The following EYS variants were observed in gnomAD, a reference collection of about 807,000 sequenced individuals.
The protein encoded by EYS is protein eyes shut homolog.
A neutral mutation model predicts 282.1 loss-of-function variants in EYS; 250 were observed. The observed-to-expected ratio is 0.89, with a 90% CI of 0.80 to 0.98. The LOEUF is 0.98. Among genes scored for constraint, EYS ranks in the 50% least tolerant of loss-of-function variants. EYS has a pLI of 0.00. For synonymous variants in EYS, 1,355 were observed against 1,282.9 expected, an observed-to-expected ratio of 1.06 and a Z score of -1.20; for missense variants, 4,016 against 3,709.0, an observed-to-expected ratio of 1.08 and a Z score of -2.15.
At chr6:65,134,762 A>G (rs1775975708) in intron 12 of EYS, among the ~76,000 whole-genome samples, 2 of 152,070 alleles carry the variant, frequency 1.3e-5, no homozygotes, top group South Asian at 4.1e-4. Context: ...AAAGAGAGGG[A>G]AAGATCAATT....
At chr6:65,454,225 T>G (rs1323382415) in intron 5 of EYS, among the ~76,000 whole-genome samples, 1 of 151,738 alleles carries the variant, frequency 6.6e-6, no homozygotes. Context: ...TAGAGTAAAG[T>G]GGTATTTCAT....
chr6:64,727,346 T>G (rs958774937), intron 22 of EYS, among the ~76,000 whole-genome samples: 2 of 152,220 alleles, frequency 1.3e-5, no homozygotes, highest in Non-Finnish European at 2.9e-5. Flanking sequence ...GGAATTCTGG[T>G]ACTTAAAAAA....
intron 19 of EYS, among the ~76,000 whole-genome samples, chr6:64,836,765 T>C (rs1765394862): frequency 6.6e-6 from 1 of 151,610 alleles, no homozygotes; most frequent in South Asian, 2.1e-4. Flanking sequence ...TTTAGTGAAA[T>C]GCTGTAAATA....
At chr6:64,057,517 C>T (rs1771026763) in intron 33 of EYS, among the ~76,000 whole-genome samples, 1 of 151,730 alleles carries the variant, frequency 6.6e-6, no homozygotes, top group African/African-American at 2.4e-5. Context: ...TATGCATTTC[C>T]AAAACAATAG....
chr6:65,413,479 GA>G (rs1410228541), intron 5 of EYS, among the ~76,000 whole-genome samples: 1 of 152,048 alleles, frequency 6.6e-6, no homozygotes, highest in Non-Finnish European at 1.5e-5. Context: ...GTACTTAAGA[GA>G]GGGGGCACAT....
chr6:63,965,590 A>G (rs1197337735), intron 35 of EYS, among the ~76,000 whole-genome samples: 5 of 152,200 alleles, frequency 3.3e-5, no homozygotes, highest in Admixed American at 3.3e-4. Context: ...ATGAAAATGT[A>G]TAAAAACTTA....
At chr6:64,544,557 C>T (rs2149801100) in intron 26 of EYS, among the ~76,000 whole-genome samples, 1 of 152,094 alleles carries the variant, frequency 6.6e-6, no homozygotes, top group Non-Finnish European at 1.5e-5. Flanking sequence ...TAAGAATACC[C>T]TTCAAAAAAT....
chr6:64,333,087 A>G (rs536307940), intron 29 of EYS, among the ~76,000 whole-genome samples: 23 of 152,286 alleles, frequency 1.5e-4, no homozygotes, highest in Admixed American at 1.2e-3. Flanking sequence ...ATGAGTATAC[A>G]GAGACTCATA....
chr6:63,775,827 A>C (rs1451922103), intron 40 of EYS, among the ~76,000 whole-genome samples: 1 of 152,156 alleles, frequency 6.6e-6, no homozygotes, highest in South Asian at 2.1e-4. Context: ...AATATTTTTG[A>C]ACAGCTTTAT....
chr6:64,760,875 T>G (rs1449966151), intron 22 of EYS, among the ~76,000 whole-genome samples: 6 of 152,160 alleles, frequency 3.9e-5, no homozygotes, highest in Non-Finnish European at 1.5e-5. Context: ...AGGCTGGTGG[T>G]ACCAGTGAGG....
chr6:64,257,042 AAC>A (rs1767425847), intron 30 of EYS, among the ~76,000 whole-genome samples: 1 of 152,018 alleles, frequency 6.6e-6, no homozygotes, highest in South Asian at 2.1e-4. Flanking sequence ...CTTTCAATAA[AAC>A]ACATTTCTTC....
intron 12 of EYS, among the ~76,000 whole-genome samples, chr6:65,226,054 C>T (rs1766617136): frequency 6.6e-6 from 1 of 151,692 alleles, no homozygotes; most frequent in Non-Finnish European, 1.5e-5. Flanking sequence ...AAAGATATCT[C>T]TATTAGAAAT....
intron 26 of EYS, among the ~76,000 whole-genome samples, chr6:64,520,626 A>G (rs1006200377): frequency 1.3e-4 from 19 of 151,750 alleles, no homozygotes; most frequent in African/African-American, 4.1e-4. Flanking sequence ...ATGACAAAAA[A>G]AAATTCTGTT....
At chr6:64,369,246 T>C (rs1772274671) in intron 29 of EYS, among the ~76,000 whole-genome samples, 1 of 152,152 alleles carries the variant, frequency 6.6e-6, no homozygotes, top group Non-Finnish European at 1.5e-5. Context: ...CAGCATTATT[T>C]CTGGGCTCTC....
chr6:64,493,240 G>A lies in EYS; in HGVS notation c.5645-53888C>T, dbSNP rs569162340. On this transcript the variant is annotated intron_variant, in intron 26 of 42. Transcript: ENST00000503581. The stretch of plus-strand genomic sequence containing the variant: ...CAGCAGACATGACTCTAAACAAGAA[G>A]GAATATAAAAACCAAATAGCAGAGC... Among the ~76,000 whole-genome samples, 5 of 151,228 alleles carry A rather than the reference G, an allele frequency of 3.3e-5. No homozygotes were observed. In the South Asian group the frequency reaches 1.0e-3, roughly 31 times the overall value.
At chr6:65,122,636 T>C (rs1775593670) in intron 12 of EYS, among the ~76,000 whole-genome samples, 1 of 152,146 alleles carries the variant, frequency 6.6e-6, no homozygotes, top group South Asian at 2.1e-4. Context: ...GAACTGTCTT[T>C]TGATGCCATA....
chr6:64,081,874 T>A lies in EYS; in HGVS notation c.6553A>T (p.Asn2185Tyr). The A allele has an allele frequency of 2.0e-6, 3 of 1,536,066 alleles. No individual in the cohort carries two copies. Among genetic ancestry groups the A allele is most frequent in the Non-Finnish European group, 2.6e-6 (3 of 1,135,188 alleles). Residue 2185 changes from asparagine (N) to tyrosine (Y), a missense_variant, in exon 32 of 43, where the codon AAT becomes TAT. Transcript: ENST00000503581. ...TACTCACTGTAAAGAATAGTTCCAT[T>A]TAAACTGTTTGTTTTTATAGTCAAG... ...IYLTIKTNSL[N>Y]GTILYSNGNN... is the part of the protein sequence containing the mutation.
intron 31 of EYS, among the ~76,000 whole-genome samples, chr6:64,084,385 G>A (rs953183644): frequency 6.6e-6 from 1 of 152,168 alleles, no homozygotes; most frequent in Non-Finnish European, 1.5e-5. Context: ...ATAAGGGAGA[G>A]GTCAGAACTC....
intron 15 of EYS, among the ~76,000 whole-genome samples, chr6:64,942,614 C>A (rs1190400641): frequency 6.6e-6 from 1 of 151,178 alleles, no homozygotes; most frequent in Non-Finnish European, 1.5e-5. Context: ...ACTAGAAAAT[C>A]TAAAGGAAAT....
Sources: allele counts gnomAD v4.1 joint callset (sites outside exome capture counted in the v4.1 genomes callset), GRCh38; gene constraint gnomAD v4.1.1; transcripts MANE v1.5; gene names NCBI Gene and HGNC (gene_info 2026-07-23, HGNC 2026-07-21).